The following SYK variants were observed in gnomAD, a reference collection of about 807,000 sequenced individuals.
SYK encodes the protein tyrosine-protein kinase SYK.
In SYK, 16 loss-of-function variants were observed where a neutral mutation model predicts 77.8. That is an observed-to-expected ratio of 0.21 (90% confidence interval 0.14 to 0.31). SYK has a LOEUF of 0.31. Among genes scored for constraint, SYK ranks in the 10% least tolerant of loss-of-function variants. The pLI is 1.00. For missense variants in SYK, 529 were observed against 814.4 expected (o/e 0.65, Z 4.26); for synonymous variants, 312 against 308.7 (o/e 1.01, Z -0.11).
intron 9 of SYK, among the ~76,000 whole-genome samples, chr9:90,877,290 C>G (rs149747144): frequency 2.6e-3 from 399 of 152,326 alleles, no homozygotes; most frequent in African/African-American, 9.3e-3. Flanking sequence ...CAATCCTCCC[C>G]TTTCAACCTC....
chr9:90,821,754 A>AT (rs1341496458), intron 1 of SYK, among the ~76,000 whole-genome samples: 6 of 152,160 alleles, frequency 3.9e-5, no homozygotes, highest in Non-Finnish European at 5.9e-5. Flanking sequence ...TTAGTGCCGT[A>AT]TTTTTTGCAT....
chr9:90,867,428 G>A (rs1442976938), intron 7 of SYK, among the ~76,000 whole-genome samples: 1 of 152,202 alleles, frequency 6.6e-6, no homozygotes, highest in African/African-American at 2.4e-5. Flanking sequence ...GTCCAACAGT[G>A]TGAGCATGCT....
intron 1 of SYK, among the ~76,000 whole-genome samples, chr9:90,834,251 C>T (rs1214365117): frequency 2.0e-5 from 3 of 152,188 alleles, no homozygotes; most frequent in African/African-American, 4.8e-5. Context: ...GTGGGTCTGG[C>T]TGCCCGTGCT....
intron 1 of SYK, among the ~76,000 whole-genome samples, chr9:90,840,568 A>AT (rs939168406): frequency 9.2e-5 from 14 of 151,770 alleles, no homozygotes; most frequent in African/African-American, 3.4e-4. Flanking sequence ...AAAAAAAAAA[A>AT]AAAAAAAACT....
rs930861715 is a variant in SYK, at chr9:90,888,689, GCGT to G, written c.1835+64_1835+66del. The G allele has an allele frequency of 4.7e-6, 6 of 1,280,024 alleles. No individual in the cohort carries two copies. In the African/African-American group the frequency reaches 6.1e-5, roughly 13 times the overall value. The allele number at this position is 1,280,024 out of a possible 1,614,324, so 79.3% of individuals were successfully genotyped here. A position where few individuals can be genotyped will look rare whatever the true frequency, so the allele number is the denominator to read the frequency against. ...CTCTGGAAACAGGTGAAATGGTTGG[GCGT>G]CTAAAAAAAAGGATAAAGTTCACCT... On this transcript the variant is annotated intron_variant, in intron 13 of 13. Coordinates refer to ENST00000375754, the MANE Select transcript of SYK (RefSeq NM_003177.7).
intron 1 of SYK, among the ~76,000 whole-genome samples, chr9:90,830,583 T>C (rs899677383): frequency 1.5e-5 from 1 of 66,388 alleles, no homozygotes; most frequent in Admixed American, 1.4e-4. Flanking sequence ...TCATTCCTCT[T>C]TTTTTTTTTT....
At chr9:90,817,569 C>G (rs1308170983) in intron 1 of SYK, among the ~76,000 whole-genome samples, 1 of 151,768 alleles carries the variant, frequency 6.6e-6, no homozygotes, top group South Asian at 2.1e-4. Flanking sequence ...GTTTTTTGGC[C>G]CCTTCCTCCC....
intron 13 of SYK, 112 bp downstream of exon 13, chr9:90,888,739 C>A: frequency 1.2e-6 from 1 of 834,208 alleles, no homozygotes; most frequent in Non-Finnish European, 1.8e-6. Flanking sequence ...AGGAATGTGC[C>A]CGCTTTCTAA....
chr9:90,884,611 A>G lies in SYK; in HGVS notation c.1582-3138A>G, dbSNP rs1233137421. Reference sequence around the variant, plus strand: ...CACATATGTGTACATGTACATATATACACATATACACATATGTGTACATGT... The same window carrying G: ...CACATATGTGTACATGTACATATATGCACATATACACATATGTGTACATGT... On this transcript the variant is annotated intron_variant, in intron 11 of 13. Transcript: ENST00000375754. Among the ~76,000 whole-genome samples, 15 of 63,614 alleles carry G rather than the reference A, an allele frequency of 2.4e-4. 7 individuals are homozygous for G. The highest frequency in any genetic ancestry group is 4.4e-4 in the Non-Finnish European group (15 of 34,444). The allele number at this position is 63,614 out of a possible 152,430, so 41.7% of individuals were successfully genotyped here. A position where few individuals can be genotyped will look rare whatever the true frequency, so the allele number is the denominator to read the frequency against.
rs201507403 is a variant in SYK at position 90,896,800 on chromosome 9, G to T, written c.*1200G>T. 2.3e-4 allele frequency: 51 copies of T among 218,788 alleles called. No homozygotes were observed. The East Asian group carries it at 3.3e-3, about 14-fold the overall frequency. 13.6% of individuals were successfully genotyped at this position (218,788 alleles called of 1,614,324 possible). A position where few individuals can be genotyped will look rare whatever the true frequency, so the allele number is the denominator to read the frequency against. On this transcript the variant is annotated 3_prime_UTR_variant, in exon 14 of 14. Coordinates refer to ENST00000375754, the MANE Select transcript of SYK (RefSeq NM_003177.7). Reference sequence around the variant, plus strand: ...TCAGCACTTTAGGAGGCCGAGGCGGGTGGATCACTTGAGGTAAGGAGTTTG... The same window carrying T: ...TCAGCACTTTAGGAGGCCGAGGCGGTTGGATCACTTGAGGTAAGGAGTTTG...
chr9:90,862,266 G>C lies in SYK; in HGVS notation c.639G>C (p.Val213=). 2 of 1,614,170 alleles carry C rather than the reference G, an allele frequency of 1.2e-6. No homozygotes were observed. Among genetic ancestry groups the C allele is most frequent in the Non-Finnish European group, 1.7e-6 (2 of 1,180,010 alleles). Residue 213 remains valine, a synonymous_variant, in exon 4 of 14, where the codon GTG becomes GTC. Transcript: ENST00000375754. ...YALCLLHEGK[V]LHYRIDKDKT... is the part of the protein sequence containing the mutation. ...TGTGCCTGCTGCACGAAGGGAAGGT[G>C]CTGCACTATCGCATCGACAAAGACA...
chr9:90,877,618 A>G lies in SYK; in HGVS notation c.1229A>G (p.Asp410Gly). The G allele has an allele frequency of 6.2e-7, 1 of 1,614,124 alleles. No individual in the cohort carries two copies. The highest frequency in any genetic ancestry group is 2.2e-5 in the East Asian group (1 of 44,894). The stretch of plus-strand genomic sequence containing the variant: ...AAAATACTGAAAAACGAGGCCAATG[A>G]CCCCGCTCTTAAAGATGAGTTATTA... ...AVKILKNEAN[D>G]PALKDELLAE... Residue 410 changes from aspartate to glycine, a missense_variant, in exon 10 of 14, where the codon GAC becomes GGC. Asp to Gly is a moderately conservative substitution (Grantham distance 94, BLOSUM62 -1). This residue lies in a region of SYK where 208 missense variants were observed against 381.3 expected (regional missense o/e 0.55). Coordinates refer to ENST00000375754, the MANE Select transcript of SYK (RefSeq NM_003177.7).
At chr9:90,812,102 C>T (rs1311744139) in intron 1 of SYK, among the ~76,000 whole-genome samples, 3 of 131,528 alleles carry the variant, frequency 2.3e-5, no homozygotes, top group Non-Finnish European at 4.8e-5. Flanking sequence ...AGTGTAAGCA[C>T]CAAATTAAGA....
At chr9:90,845,286 CT>C in intron 2 of SYK, 147 bp from the exon 3 acceptor site, 2 of 812,746 alleles carry the variant, frequency 2.5e-6, no homozygotes, top group South Asian at 3.8e-5. Context: ...GTGTAAAGGT[CT>C]TTCTGGTTTT....
chr9:90,835,263 A>G (rs1358230260), intron 1 of SYK, among the ~76,000 whole-genome samples: 1 of 152,184 alleles, frequency 6.6e-6, no homozygotes, highest in African/African-American at 2.4e-5. Flanking sequence ...TTTTGACCAC[A>G]TGCTTTTGAA....
At chr9:90,861,257 G>T (rs1827248870) in intron 3 of SYK, among the ~76,000 whole-genome samples, 1 of 152,166 alleles carries the variant, frequency 6.6e-6, no homozygotes, top group Non-Finnish European at 1.5e-5. Flanking sequence ...TGCAGTGGGG[G>T]TGTTGTTCCC....
chr9:90,862,404 C>G (rs1181357800), intron 4 of SYK, 60 bp downstream of exon 4: 1 of 1,558,302 alleles, frequency 6.4e-7, no homozygotes, highest in Non-Finnish European at 8.7e-7. Context: ...GGCTCCTTGT[C>G]CCATGGACTC....
At chr9:90,862,441 C>T in intron 4 of SYK, 97 bp downstream of exon 4, 1 of 1,408,998 alleles carries the variant, frequency 7.1e-7, no homozygotes. Context: ...CTGGACCACC[C>T]ACTGCCCACA....
Position 90,864,694 on chromosome 9 carries a change from A to G in SYK, c.796+27A>G, listed in dbSNP as rs202080730. On this transcript the variant is annotated intron_variant, in intron 5 of 13. Transcript: ENST00000375754. ...TGAGTTCCCAAGACACTGGAGTCTCAGTGTTTGAGGTATCAGTGACAATCA... is the reference window on the plus strand; with the variant it reads ...TGAGTTCCCAAGACACTGGAGTCTCGGTGTTTGAGGTATCAGTGACAATCA... 5.1e-5 allele frequency: 82 copies of G among 1,593,076 alleles called. 2 individuals are homozygous for G. In the East Asian group the frequency reaches 7.1e-4, roughly 14 times the overall value.
Sources: gnomAD v4.1 joint callset for allele counts (sites outside exome capture counted in the v4.1 genomes callset) on GRCh38, gnomAD v4.1.1 for gene constraint, gnomAD v4.1.1 regional missense constraint, MANE v1.5 for transcripts, NCBI Gene and HGNC (gene_info 2026-07-23, HGNC 2026-07-21) for gene names.